The following NDUFS1 variants were observed in gnomAD, a reference collection of about 807,000 sequenced individuals.
NDUFS1 encodes the protein NADH:ubiquinone oxidoreductase core subunit S1, also known as NADH-ubiquinone oxidoreductase 75 kDa subunit, mitochondrial.
NDUFS1 carries 61 observed loss-of-function variants against 84.4 expected under a neutral mutation model. The ratio of observed to expected loss-of-function variants is 0.72; its 90% CI spans 0.59 to 0.89. The LOEUF (loss-of-function observed/expected upper bound fraction) is 0.89. Ranked by LOEUF, NDUFS1 falls within the 40% of genes least tolerant of loss-of-function variation. NDUFS1 has a pLI of 0.00. For synonymous variants in NDUFS1, 275 were observed against 290.0 expected, an observed-to-expected ratio of 0.95 and a Z score of 0.53; for missense variants, 891 against 890.0, an observed-to-expected ratio of 1.00 and a Z score of -0.01.
chr2:206,136,733 C>T (rs956789774), intron 13 of NDUFS1, among the ~76,000 whole-genome samples: 2 of 149,966 alleles, frequency 1.3e-5, no homozygotes, highest in Non-Finnish European at 3.0e-5. Flanking sequence ...TGCACCTGGC[C>T]GGAAATTCCT....
chr2:206,124,090 TA>T lies in NDUFS1; in HGVS notation c.*94del, dbSNP rs896324606. 8.5e-5 allele frequency: 68 copies of T among 803,904 alleles called. 1 individual carries two copies. In the East Asian group the frequency reaches 1.2e-3, roughly 14 times the overall value. The allele number at this position is 803,904 out of a possible 1,614,324, so 49.8% of individuals were successfully genotyped here. A position where few individuals can be genotyped will look rare whatever the true frequency, so the allele number is the denominator to read the frequency against. On this transcript the variant is annotated 3_prime_UTR_variant, in exon 19 of 19. Transcript: ENST00000233190. Reference sequence around the variant, plus strand: ...AATATTACATGATTCAAATTATTATTATTTTTTTTTACAAAGAAATAAACCT... The same window carrying T: ...AATATTACATGATTCAAATTATTATTTTTTTTTTTACAAAGAAATAAACCT...
chr2:206,147,697 C>T (rs983450719), intron 6 of NDUFS1, 36 bp from the exon 7 acceptor site: 2 of 1,613,876 alleles, frequency 1.2e-6, no homozygotes, highest in Non-Finnish European at 1.7e-6. Flanking sequence ...TCTCATGCTG[C>T]TAATAAAATT....
In NDUFS1 at chr2:206,124,015, T is replaced by C. The variant is rs562989696; in HGVS notation, c.*170A>G. The stretch of plus-strand genomic sequence containing the variant: ...TACACACAATACATGTTTTTCAAAC[T>C]GCAAAGTTGATAACTAATATCATTT... On this transcript the variant is annotated 3_prime_UTR_variant, in exon 19 of 19. Coordinates refer to ENST00000233190, the MANE Select transcript of NDUFS1 (RefSeq NM_005006.7). The C allele has an allele frequency of 6.6e-6, 4 of 601,582 alleles. No individual in the cohort carries two copies. Among genetic ancestry groups the C allele is most frequent in the Non-Finnish European group, 1.2e-5 (4 of 342,234 alleles). 37.3% of individuals were successfully genotyped at this position (601,582 alleles called of 1,614,324 possible).
intron 11 of NDUFS1, among the ~76,000 whole-genome samples, chr2:206,142,370 G>A (rs577567573): frequency 1.9e-4 from 29 of 152,190 alleles, no homozygotes; most frequent in African/African-American, 6.5e-4. Flanking sequence ...ACACCACCAC[G>A]TCTGGCTAAT....
At position 206,120,790 on chromosome 2, in the gene NDUFS1, A is replaced by G. The variant is rs1464046097; in HGVS notation, c.*3395T>C. The G allele has an allele frequency of 6.6e-6, 1 of 152,230 alleles. No homozygotes were observed. Among genetic ancestry groups the G allele is most frequent in the Non-Finnish European group, 1.5e-5 (1 of 68,066 alleles). 9.4% of individuals were successfully genotyped at this position (152,230 alleles called of 1,614,324 possible). A position where few individuals can be genotyped will look rare whatever the true frequency, so the allele number is the denominator to read the frequency against. ...GTCATGTGGCAGAGAAGGAAAAAGCACTTTGAGGAGAGGAATACAAGCAGG... is the reference window on the plus strand; with the variant it reads ...GTCATGTGGCAGAGAAGGAAAAAGCGCTTTGAGGAGAGGAATACAAGCAGG... On this transcript the variant is annotated 3_prime_UTR_variant, in exon 19 of 19. Transcript: ENST00000233190.
At chr2:206,149,788 G>T in intron 4 of NDUFS1, 30 bp downstream of exon 4, 3 of 1,479,882 alleles carry the variant, frequency 2.0e-6, no homozygotes, top group Non-Finnish European at 2.8e-6. Context: ...ACCTTCTACA[G>T]CATGGTGTAG....
At chr2:206,143,916 G>T in intron 10 of NDUFS1, 102 bp downstream of exon 10, 1 of 948,056 alleles carries the variant, frequency 1.1e-6, no homozygotes, top group Non-Finnish European at 1.6e-6. Flanking sequence ...CATAATCTTG[G>T]TAAAAGTAAA....
chr2:206,125,508 A>C (rs1366711980), intron 18 of NDUFS1, among the ~76,000 whole-genome samples: 4 of 151,826 alleles, frequency 2.6e-5, no homozygotes, highest in Non-Finnish European at 5.9e-5. Flanking sequence ...TGTAAACAGT[A>C]ATAATTACAT....
At position 206,147,745 on chromosome 2, in the gene NDUFS1, C is replaced by G. The variant is rs752137659; in HGVS notation, c.420+8G>C. The stretch of plus-strand genomic sequence containing the variant: ...AACCAAAAAGATTGACAGAATTCTA[C>G]TACATACCTGCAGATCACATTCACC... On this transcript the variant is annotated splice_region_variant and intron_variant, in intron 6 of 18. Coordinates refer to ENST00000233190, the MANE Select transcript of NDUFS1 (RefSeq NM_005006.7). 6.2e-7 allele frequency: 1 copy of G among 1,613,906 alleles called. No homozygotes were observed. Among genetic ancestry groups the G allele is most frequent in the Non-Finnish European group, 8.5e-7 (1 of 1,179,852 alleles).
chr2:206,139,247 G>A (rs182906137), intron 12 of NDUFS1, among the ~76,000 whole-genome samples: 142 of 152,032 alleles, frequency 9.3e-4, no homozygotes, highest in African/African-American at 3.2e-3. Context: ...GTGCTGTGGC[G>A]CAATCTCGAC....
chr2:206,138,469 C>A lies in NDUFS1; in HGVS notation c.1392+16G>T. On this transcript the variant is annotated intron_variant, in intron 13 of 18. Coordinates refer to ENST00000233190, the MANE Select transcript of NDUFS1 (RefSeq NM_005006.7). ...TTAAAAATCAACAAGAGTAGATACACATAAGTTGAGAGCACCTGGCTAAAT... is the reference window on the plus strand; with the variant it reads ...TTAAAAATCAACAAGAGTAGATACAAATAAGTTGAGAGCACCTGGCTAAAT... The A allele has an allele frequency of 3.7e-6, 6 of 1,611,532 alleles. No homozygotes were observed. The highest frequency in any genetic ancestry group is 5.1e-6 in the Non-Finnish European group (6 of 1,177,770).
At chr2:206,140,943 T>TATACACACAC (rs367723817) in intron 12 of NDUFS1, among the ~76,000 whole-genome samples, 1 of 136,110 alleles carries the variant, frequency 7.3e-6, no homozygotes, top group Non-Finnish European at 1.5e-5. Context: ...TATATATATA[T>TATACACACAC]ACACACACAC....
At chr2:206,156,776 T>C (rs537568703) in intron 1 of NDUFS1, among the ~76,000 whole-genome samples, 1 of 152,372 alleles carries the variant, frequency 6.6e-6, no homozygotes, top group East Asian at 1.9e-4. Context: ...TATGTGATAC[T>C]GAAATTGCAA....
chr2:206,128,893 T>C (rs757119824), intron 15 of NDUFS1, among the ~76,000 whole-genome samples: 4 of 152,136 alleles, frequency 2.6e-5, no homozygotes, highest in Admixed American at 6.6e-5. Flanking sequence ...GTAAGTATAC[T>C]GATGCTTACA....
chr2:206,130,062 T>C, intron 15 of NDUFS1, 26 bp downstream of exon 15: 20 of 1,613,338 alleles, frequency 1.2e-5, no homozygotes, highest in Non-Finnish European at 1.6e-5. Flanking sequence ...CTCTCTTTTG[T>C]TTCTGGTGTC....
Position 206,139,536 on chromosome 2 carries a change from T to C in NDUFS1, c.1263-922A>G, listed in dbSNP as rs1158347801. Among the ~76,000 whole-genome samples, 3 of 152,278 alleles carry C rather than the reference T, an allele frequency of 2.0e-5. No individual in the cohort carries two copies. The East Asian group carries it at 5.8e-4, about 29-fold the overall frequency. ...AATCTGTAATTTTTATTTTGCAGTA[T>C]TTACATGACAGGGTCAATTATCTCT... is the stretch of plus-strand genomic sequence containing the variant. On this transcript the variant is annotated intron_variant, in intron 12 of 18. Transcript: ENST00000233190.
Position 206,126,617 on chromosome 2 carries a change from C to T in NDUFS1, c.2020-6G>A. On this transcript the variant is annotated splice_polypyrimidine_tract_variant and splice_region_variant and intron_variant, in intron 17 of 18. Coordinates refer to ENST00000233190, the MANE Select transcript of NDUFS1 (RefSeq NM_005006.7). ...AGAAGCTGCTGGTTCACTAGCTGCA[C>T]AAAAAAGAAGAGATCAACAATAATA... 1 of 1,613,746 alleles carries T rather than the reference C, an allele frequency of 6.2e-7. No homozygotes were observed. The highest frequency in any genetic ancestry group is 8.5e-7 in the Non-Finnish European group (1 of 1,179,912).
chr2:206,152,073 G>T (rs1692391530), intron 3 of NDUFS1, among the ~76,000 whole-genome samples: 1 of 152,148 alleles, frequency 6.6e-6, no homozygotes, highest in Non-Finnish European at 1.5e-5. Context: ...CACAGTGCTG[G>T]CCAGGCTGGT....
At chr2:206,149,967 A>G (rs1322531236) in intron 3 of NDUFS1, 42 bp from the exon 4 acceptor site, 6 of 1,376,134 alleles carry the variant, frequency 4.4e-6, no homozygotes, top group Non-Finnish European at 6.2e-6. Context: ...AAGCATTAGA[A>G]TAACCTGACT....
Sources: allele counts gnomAD v4.1 joint callset (sites outside exome capture counted in the v4.1 genomes callset), GRCh38; gene constraint gnomAD v4.1.1; transcripts MANE v1.5; gene names NCBI Gene and HGNC (gene_info 2026-07-23, HGNC 2026-07-21).